The following NUBPL variants were observed in gnomAD, a reference collection of about 807,000 sequenced individuals.
NUBPL encodes iron-sulfur cluster transfer protein NUBPL.
NUBPL carries 31 observed loss-of-function variants against 45.7 expected under a neutral mutation model. The observed-to-expected ratio is 0.68, with a 90% CI of 0.51 to 0.92. The LOEUF (loss-of-function observed/expected upper bound fraction) is 0.92, where lower values mean the gene tolerates loss of function less well. Ranked by LOEUF, NUBPL falls within the 40% of genes least tolerant of loss-of-function variation. The pLI is 0.00. For synonymous variants in NUBPL, 144 were observed against 140.9 expected (o/e 1.02, Z -0.15); for missense variants, 401 against 398.7 (o/e 1.01, Z -0.05).
intron 6 of NUBPL, among the ~76,000 whole-genome samples, chr14:31,674,953 G>A (rs1408033555): frequency 1.3e-5 from 2 of 152,006 alleles, no homozygotes; most frequent in African/African-American, 4.8e-5. Context: ...TGGCTAACAC[G>A]GTGAAACCCC....
intron 6 of NUBPL, among the ~76,000 whole-genome samples, chr14:31,777,852 A>G (rs1342094508): frequency 6.6e-6 from 1 of 152,214 alleles, no homozygotes; most frequent in Non-Finnish European, 1.5e-5. Flanking sequence ...GTTGTCTAGG[A>G]TCACACAAGC....
chr14:31,730,192 A>C (rs772719514), intron 6 of NUBPL, among the ~76,000 whole-genome samples: 2 of 152,236 alleles, frequency 1.3e-5, no homozygotes, highest in Non-Finnish European at 2.9e-5. Flanking sequence ...AACCCATAGG[A>C]ATAAGCATAT....
rs750420612 is a variant in NUBPL at position 31,562,220 on chromosome 14, T to C, written c.256+5T>C. On this transcript the variant is annotated splice_donor_5th_base_variant and intron_variant, in intron 2 of 10. Coordinates refer to ENST00000281081, the MANE Select transcript of NUBPL (RefSeq NM_025152.3). ...TCGGAAAATCTACTACAGCAGGTATTATAGGATATTAATTCTATTCCTGAT... is the reference window on the plus strand; with the variant it reads ...TCGGAAAATCTACTACAGCAGGTATCATAGGATATTAATTCTATTCCTGAT... 5.0e-6 allele frequency: 8 copies of C among 1,611,764 alleles called. No individual in the cohort carries two copies. The African/African-American group carries it at 9.4e-5, about 19-fold the overall frequency.
intron 7 of NUBPL, among the ~76,000 whole-genome samples, chr14:31,818,126 A>G (rs1210677311): frequency 6.6e-6 from 1 of 152,206 alleles, no homozygotes. Flanking sequence ...TAACTATCCT[A>G]AATATATATG....
intron 6 of NUBPL, among the ~76,000 whole-genome samples, chr14:31,688,469 C>T (rs1023368391): frequency 1.3e-4 from 20 of 151,104 alleles, no homozygotes; most frequent in Non-Finnish European, 1.9e-4. Flanking sequence ...CCCAGCTACT[C>T]GGGTGGCTGA....
chr14:31,568,690 T>C (rs2033501981), intron 3 of NUBPL, among the ~76,000 whole-genome samples: 1 of 152,228 alleles, frequency 6.6e-6, no homozygotes, highest in Admixed American at 6.5e-5. Flanking sequence ...ATGCTATAAA[T>C]AGAATGATGT....
At chr14:31,743,135 C>T (rs1196498896) in intron 6 of NUBPL, among the ~76,000 whole-genome samples, 2 of 152,098 alleles carry the variant, frequency 1.3e-5, no homozygotes, top group African/African-American at 4.8e-5. Context: ...TTACCTGAGC[C>T]TAACAGTCTC....
intron 6 of NUBPL, among the ~76,000 whole-genome samples, chr14:31,688,957 C>T (rs2037030161): frequency 6.6e-6 from 1 of 151,808 alleles, no homozygotes; most frequent in African/African-American, 2.4e-5. Context: ...AGGATAGTGG[C>T]CTACAGCTCC....
chr14:31,703,994 C>T (rs1415937743), intron 6 of NUBPL, among the ~76,000 whole-genome samples: 14 of 152,196 alleles, frequency 9.2e-5, no homozygotes, highest in African/African-American at 3.4e-4. Context: ...GCGAGAAGAG[C>T]CCTCTCCTGC....
intron 4 of NUBPL, among the ~76,000 whole-genome samples, chr14:31,651,466 A>T (rs7145785): frequency 0.16 from 24,202 of 152,222 alleles, 5,483 homozygotes; most frequent in African/African-American, 0.51. Flanking sequence ...TATCTCAGGT[A>T]TTGTGTAATA....
At chr14:31,608,590 A>G (rs901886941) in intron 4 of NUBPL, among the ~76,000 whole-genome samples, 1 of 152,140 alleles carries the variant, frequency 6.6e-6, no homozygotes, top group Non-Finnish European at 1.5e-5. Flanking sequence ...AAAGAAAAAG[A>G]CATTGATGAA....
At chr14:31,595,755 C>A (rs1343849592) in intron 3 of NUBPL, among the ~76,000 whole-genome samples, 2 of 152,072 alleles carry the variant, frequency 1.3e-5, no homozygotes, top group Non-Finnish European at 2.9e-5. Context: ...TATTTGGCAC[C>A]TTTTGAACAT....
In NUBPL at chr14:31,676,119, T is replaced by C. The variant is rs113281876; in HGVS notation, c.513+2545T>C. Among the ~76,000 whole-genome samples, 27 of 152,056 alleles carry C rather than the reference T, an allele frequency of 1.8e-4. 1 individual carries two copies. The highest frequency in any genetic ancestry group is 5.8e-4 in the African/African-American group (24 of 41,486). ...CTCACTGCAACCTCCGCCTCCCAGG[T>C]TTAAGCAATTCTCCTGCCTCAGCCT... On this transcript the variant is annotated intron_variant, in intron 6 of 10. Transcript: ENST00000281081.
chr14:31,561,867 C>A, intron 1 of NUBPL: 1 of 621,806 alleles, frequency 1.6e-6, no homozygotes, highest in Non-Finnish European at 2.8e-6. Context: ...TCAGCGTATC[C>A]TGCTAGAAAA....
intron 6 of NUBPL, among the ~76,000 whole-genome samples, chr14:31,778,632 G>T (rs1175487529): frequency 1.3e-5 from 2 of 152,188 alleles, no homozygotes; most frequent in Non-Finnish European, 2.9e-5. Context: ...TTCCAGTAAG[G>T]TTTAACTACT....
chr14:31,619,904 C>T (rs2035013912), intron 4 of NUBPL, among the ~76,000 whole-genome samples: 1 of 152,124 alleles, frequency 6.6e-6, no homozygotes, highest in Admixed American at 6.5e-5. Context: ...TTTTCCCTGT[C>T]ATGTTCAAGT....
rs114080518 is a variant in NUBPL, at chr14:31,749,089, T to C, written c.514-38691T>C. 6.5e-3 allele frequency among the ~76,000 whole-genome samples: 995 copies of C among 152,344 alleles called. 11 individuals are homozygous for C. Among genetic ancestry groups the C allele is most frequent in the African/African-American group, 0.022 (932 of 41,584 alleles). On this transcript the variant is annotated intron_variant, in intron 6 of 10. Coordinates refer to ENST00000281081, the MANE Select transcript of NUBPL (RefSeq NM_025152.3). ...TAAAAAGAAATCCGTTCAATCACTC[T>C]ATATCTTTAATTTGGGAATTTAATA... is the stretch of plus-strand genomic sequence containing the variant.
At chr14:31,683,762 A>AT (rs202227537) in intron 6 of NUBPL, among the ~76,000 whole-genome samples, 10,068 of 151,050 alleles carry the variant, frequency 0.067, 425 homozygotes, top group Non-Finnish European at 0.092. Context: ...AAAAATCTTC[A>AT]TTTTTTTTCT....
At chr14:31,662,811 T>C (rs1157240504) in intron 4 of NUBPL, among the ~76,000 whole-genome samples, 1 of 152,184 alleles carries the variant, frequency 6.6e-6, no homozygotes, top group East Asian at 1.9e-4. Context: ...TTATAATCCT[T>C]TGGGTATATA....
Sources: allele counts gnomAD v4.1 joint callset (sites outside exome capture counted in the v4.1 genomes callset), GRCh38; gene constraint gnomAD v4.1.1; transcripts MANE v1.5; gene names NCBI Gene and HGNC (gene_info 2026-07-23, HGNC 2026-07-21).